Variants in TACR3 observed in about 807,000 individuals in gnomAD.
The protein encoded by TACR3 is neuromedin-K receptor.
TACR3 carries 34 observed loss-of-function variants against 35.0 expected under a neutral mutation model. The observed-to-expected ratio is 0.97, with a 90% CI of 0.74 to 1.30. The LOEUF (loss-of-function observed/expected upper bound fraction) is 1.30, where lower values mean the gene tolerates loss of function less well. Ranked by LOEUF, TACR3 falls within the 50% of genes most tolerant of loss-of-function variation. The pLI is 0.00. For synonymous variants in TACR3, 233 were observed against 221.1 expected (o/e 1.05, Z -0.48); for missense variants, 558 against 591.7 (o/e 0.94, Z 0.59).
At chr4:103,689,865 A>G (rs1176084853) in intron 1 of TACR3, among the ~76,000 whole-genome samples, 2 of 152,200 alleles carry the variant, frequency 1.3e-5, no homozygotes, top group Non-Finnish European at 2.9e-5. Context: ...AATTATGATA[A>G]ATGCAAAGAT....
chr4:103,598,571 G>A (rs1435554194), intron 3 of TACR3, among the ~76,000 whole-genome samples: 2 of 152,098 alleles, frequency 1.3e-5, no homozygotes, highest in Admixed American at 6.6e-5. Context: ...TTCTTCTAGG[G>A]TTTTTATGGT....
chr4:103,604,485 G>A (rs180748015), intron 3 of TACR3, among the ~76,000 whole-genome samples: 5 of 152,106 alleles, frequency 3.3e-5, no homozygotes, highest in Non-Finnish European at 5.9e-5. Context: ...CATGAGAAAA[G>A]ACTTCATGAT....
At chr4:103,595,812 C>T (rs1456091938) in intron 3 of TACR3, among the ~76,000 whole-genome samples, 5 of 151,164 alleles carry the variant, frequency 3.3e-5, no homozygotes, top group African/African-American at 1.2e-4. Flanking sequence ...AGGTTAGTTA[C>T]ATATGTATAC....
chr4:103,662,199 A>G (rs929631523), intron 1 of TACR3, among the ~76,000 whole-genome samples: 1 of 151,134 alleles, frequency 6.6e-6, no homozygotes, highest in African/African-American at 2.4e-5. Context: ...GCATGTGAAA[A>G]ACTCCTATGT....
At chr4:103,674,290 G>T (rs1389535830) in intron 1 of TACR3, among the ~76,000 whole-genome samples, 1 of 151,606 alleles carries the variant, frequency 6.6e-6, no homozygotes, top group Non-Finnish European at 1.5e-5. Flanking sequence ...ACAATGAATT[G>T]TCTCCAGTGC....
At chr4:103,712,949 G>A (rs906029102) in intron 1 of TACR3, among the ~76,000 whole-genome samples, 1 of 152,154 alleles carries the variant, frequency 6.6e-6, no homozygotes, top group African/African-American at 2.4e-5. Flanking sequence ...CAGTTAGAAT[G>A]GTGATCATTA....
chr4:103,675,818 T>C (rs1726158345), intron 1 of TACR3, among the ~76,000 whole-genome samples: 1 of 151,324 alleles, frequency 6.6e-6, no homozygotes, highest in Non-Finnish European at 1.5e-5. Context: ...CAAGGGACCC[T>C]ATTGGTGCAA....
intron 3 of TACR3, among the ~76,000 whole-genome samples, chr4:103,626,698 A>G (rs1724898815): frequency 6.6e-6 from 1 of 152,210 alleles, no homozygotes; most frequent in Non-Finnish European, 1.5e-5. Context: ...GGTATGAAAG[A>G]AAGCAGGCAT....
chr4:103,650,559 A>ATATTTAT (rs1725570881), intron 3 of TACR3, among the ~76,000 whole-genome samples: 3 of 89,390 alleles, frequency 3.4e-5, no homozygotes, highest in African/African-American at 1.3e-4. Context: ...TAAATTTAAT[A>ATATTTAT]AAATAAATAT....
intron 1 of TACR3, among the ~76,000 whole-genome samples, chr4:103,716,651 C>A (rs1273573406): frequency 6.6e-6 from 1 of 151,826 alleles, no homozygotes; most frequent in Admixed American, 6.6e-5. Flanking sequence ...GAGGCTGCAA[C>A]CATTTTGCTA....
intron 3 of TACR3, among the ~76,000 whole-genome samples, chr4:103,600,998 C>G (rs752287598): frequency 6.6e-6 from 1 of 152,076 alleles, no homozygotes; most frequent in Non-Finnish European, 1.5e-5. Context: ...GAGCTGAGTT[C>G]AATTCTTGGG....
At chr4:103,606,832 G>T (rs1484325388) in intron 3 of TACR3, among the ~76,000 whole-genome samples, 1 of 152,032 alleles carries the variant, frequency 6.6e-6, no homozygotes, top group Non-Finnish European at 1.5e-5. Context: ...CGGCCTAATT[G>T]CCCTGTCCAG....
At chr4:103,639,407 C>A (rs1725292758) in intron 3 of TACR3, among the ~76,000 whole-genome samples, 1 of 151,622 alleles carries the variant, frequency 6.6e-6, no homozygotes, top group South Asian at 2.1e-4. Context: ...CACATGGACA[C>A]AGGAAGGGGA....
chr4:103,656,241 C>T lies in TACR3; in HGVS notation c.841G>A (p.Gly281Arg). The T allele has an allele frequency of 6.2e-7, 1 of 1,613,026 alleles. No individual in the cohort carries two copies. The highest frequency in any genetic ancestry group is 8.5e-7 in the Non-Finnish European group (1 of 1,179,292). ...GITLWGGEIP[G>R]DTCDKYHEQL... ...TCATGATACTTGTCACAGGTATCTC[C>T]TGGGATTTCTCCTCCCCAGAGAGTA... Residue 281 changes from glycine (G) to arginine (R), a missense_variant, in exon 3 of 5, where the codon GGA (glycine) becomes AGA (arginine). Gly to Arg is a moderately radical substitution (Grantham distance 125, BLOSUM62 -2). Transcript: ENST00000304883.
chr4:103,661,447 C>T (rs1725835253), intron 1 of TACR3, among the ~76,000 whole-genome samples: 1 of 152,058 alleles, frequency 6.6e-6, no homozygotes, highest in Admixed American at 6.6e-5. Flanking sequence ...TCCCTCAAAT[C>T]TCATTATAAT....
Position 103,588,234 on chromosome 4 carries a change from A to G in TACR3, c.*1448T>C, listed in dbSNP as rs1458991543. On this transcript the variant is annotated 3_prime_UTR_variant, in exon 5 of 5. Transcript: ENST00000304883. ...CACAACAGTAAAGTGTTTGTTAGAGAGTATTATTTTAGACAAATATCTTTA... is the reference window on the plus strand; with the variant it reads ...CACAACAGTAAAGTGTTTGTTAGAGGGTATTATTTTAGACAAATATCTTTA... The G allele has an allele frequency of 6.6e-6, 1 of 152,124 alleles. No individual in the cohort carries two copies. The highest frequency in any genetic ancestry group is 1.5e-5 in the Non-Finnish European group (1 of 68,006). The allele number at this position is 152,124 out of a possible 1,614,324, so 9.4% of individuals were successfully genotyped here. A position where few individuals can be genotyped will look rare whatever the true frequency, so the allele number is the denominator to read the frequency against.
intron 3 of TACR3, among the ~76,000 whole-genome samples, chr4:103,629,857 A>AAC (rs1725010238): frequency 1.7e-5 from 2 of 117,102 alleles, no homozygotes; most frequent in Admixed American, 8.1e-5. Context: ...AAACAAAAAA[A>AAC]AAACAAAAAA....
At chr4:103,640,134 A>C (rs937294851) in intron 3 of TACR3, among the ~76,000 whole-genome samples, 21 of 152,026 alleles carry the variant, frequency 1.4e-4, no homozygotes, top group African/African-American at 4.8e-4. Context: ...TATAAATAAG[A>C]AAATGAAAGG....
At chr4:103,597,489 T>A (rs1298423734) in intron 3 of TACR3, among the ~76,000 whole-genome samples, 1 of 152,126 alleles carries the variant, frequency 6.6e-6, no homozygotes, top group Non-Finnish European at 1.5e-5. Flanking sequence ...AGTTTTAGGG[T>A]ACAAGTGCAC....
Sources: gnomAD v4.1 joint callset for allele counts (sites outside exome capture counted in the v4.1 genomes callset) on GRCh38, gnomAD v4.1.1 for gene constraint, MANE v1.5 for transcripts, NCBI Gene and HGNC (gene_info 2026-07-23, HGNC 2026-07-21) for gene names.